COL23A1: variants seen among roughly 807,000 people sequenced by gnomAD.
COL23A1 encodes the protein collagen type XXIII alpha 1 chain.
In COL23A1, 97 loss-of-function variants were observed where a neutral mutation model predicts 99.3. That is an observed-to-expected ratio of 0.98 (90% CI 0.83 to 1.16). The LOEUF is 1.16. Ranked by LOEUF, COL23A1 falls within the 50% of genes most tolerant of loss-of-function variation. COL23A1 has a pLI of 0.00. For missense variants in COL23A1, 762 were observed against 757.4 expected (o/e 1.01, Z -0.07); for synonymous variants, 320 against 308.2 (o/e 1.04, Z -0.40).
At chr5:178,240,370 G>A (rs1764327544) in intron 27 of COL23A1, among the ~76,000 whole-genome samples, 1 of 152,198 alleles carries the variant, frequency 6.6e-6, no homozygotes, top group Non-Finnish European at 1.5e-5. Context: ...AAGCAGAAGC[G>A]AGGAAGGCCG....
chr5:178,355,689 A>C (rs1270156777), intron 2 of COL23A1, among the ~76,000 whole-genome samples: 1 of 152,112 alleles, frequency 6.6e-6, no homozygotes, highest in Non-Finnish European at 1.5e-5. Flanking sequence ...CACGCCGCCA[A>C]GGATGTTAGC....
intron 12 of COL23A1, among the ~76,000 whole-genome samples, chr5:178,259,074 G>A (rs1442738995): frequency 2.0e-5 from 3 of 151,918 alleles, no homozygotes; most frequent in Non-Finnish European, 4.4e-5. Context: ...CTGTGACCAC[G>A]CCTGGCTAAT....
chr5:178,252,573 G>T lies in COL23A1; in HGVS notation c.985C>A (p.Pro329Thr). Residue 329 changes from proline to threonine, a missense_variant, in exon 17 of 29, where the codon CCA (proline) becomes ACA (threonine). Transcript: ENST00000390654. ...GCTCCAGGGATCCCTGGTGGCCCTGGGGGCCCCTGTGGTCCGGGAGGCCCC... is the reference window on the plus strand; with the variant it reads ...GCTCCAGGGATCCCTGGTGGCCCTGTGGGCCCCTGTGGTCCGGGAGGCCCC... ...LKGPPGPQGP[P>T]GPPGIPGAKG... is the part of the protein sequence containing the mutation. 1 of 1,611,764 alleles carries T rather than the reference G, an allele frequency of 6.2e-7. No homozygotes were observed.
chr5:178,416,189 T>C (rs542265846), intron 2 of COL23A1, among the ~76,000 whole-genome samples: 67 of 152,336 alleles, frequency 4.4e-4, no homozygotes, highest in Non-Finnish European at 8.7e-4. Flanking sequence ...TCCAGGTTGT[T>C]GTACATCTGG....
At chr5:178,402,885 G>A (rs745531522) in intron 2 of COL23A1, among the ~76,000 whole-genome samples, 3 of 151,376 alleles carry the variant, frequency 2.0e-5, no homozygotes, top group Non-Finnish European at 4.4e-5. Context: ...TCCAAAAAAG[G>A]AGAAATGTTC....
intron 3 of COL23A1, among the ~76,000 whole-genome samples, chr5:178,293,225 G>C (rs1476035899): frequency 1.3e-5 from 2 of 152,034 alleles, no homozygotes; most frequent in African/African-American, 4.8e-5. Flanking sequence ...CAGAGAGAGA[G>C]GATTCGGTGT....
intron 2 of COL23A1, among the ~76,000 whole-genome samples, chr5:178,355,571 T>C (rs2973800): frequency 0.64 from 97,738 of 152,080 alleles, 33,008 homozygotes; most frequent in Non-Finnish European, 0.76. Flanking sequence ...CTTGCTCTGT[T>C]GCCCAGGCTG....
intron 2 of COL23A1, among the ~76,000 whole-genome samples, chr5:178,350,418 A>G: frequency 6.6e-6 from 1 of 151,996 alleles, no homozygotes; most frequent in Non-Finnish European, 1.5e-5. Context: ...CCGGCATGGC[A>G]CTCCAGCACC....
At chr5:178,246,176 G>T in intron 24 of COL23A1, 78 bp downstream of exon 24, 1 of 1,464,922 alleles carries the variant, frequency 6.8e-7, no homozygotes, top group Non-Finnish European at 9.4e-7. Context: ...GTGAGGTACA[G>T]GGTTGGGGTC....
intron 2 of COL23A1, among the ~76,000 whole-genome samples, chr5:178,516,459 G>A (rs1292070667): frequency 1.3e-5 from 2 of 152,232 alleles, no homozygotes. Context: ...TGAAAGGACA[G>A]AGGCTCTGAG....
chr5:178,332,138 T>C (rs955146199), intron 2 of COL23A1, among the ~76,000 whole-genome samples: 2 of 152,228 alleles, frequency 1.3e-5, no homozygotes, highest in Non-Finnish European at 2.9e-5. Context: ...TCCCTGCTGG[T>C]GACACCCCCA....
intron 2 of COL23A1, among the ~76,000 whole-genome samples, chr5:178,408,807 T>C (rs527806162): frequency 6.6e-6 from 1 of 151,578 alleles, no homozygotes; most frequent in South Asian, 2.1e-4. Context: ...ATACAAAAAT[T>C]AGCTGGGTGT....
At chr5:178,369,543 G>A (rs1313290947) in intron 2 of COL23A1, among the ~76,000 whole-genome samples, 8 of 152,216 alleles carry the variant, frequency 5.3e-5, no homozygotes, top group African/African-American at 7.2e-5. Context: ...TGAATTGAAC[G>A]TGTTGTGGAA....
intron 2 of COL23A1, among the ~76,000 whole-genome samples, chr5:178,513,899 G>C (rs533051876): frequency 6.6e-6 from 1 of 151,904 alleles, no homozygotes; most frequent in Non-Finnish European, 1.5e-5. Flanking sequence ...TAACATATAT[G>C]TAAGATTAAA....
intron 2 of COL23A1, among the ~76,000 whole-genome samples, chr5:178,447,092 A>T (rs572122794): frequency 2.1e-5 from 3 of 142,358 alleles, no homozygotes; most frequent in South Asian, 4.3e-4. Context: ...TTCTTTTTTT[A>T]TTATTATTTT....
intron 2 of COL23A1, among the ~76,000 whole-genome samples, chr5:178,356,618 A>G (rs1761667713): frequency 7.0e-6 from 1 of 142,056 alleles, no homozygotes; most frequent in African/African-American, 2.5e-5. Context: ...GGCGAGACAC[A>G]GGAAAAAAAA....
At chr5:178,419,173 G>T (rs1474119896) in intron 2 of COL23A1, among the ~76,000 whole-genome samples, 1 of 152,228 alleles carries the variant, frequency 6.6e-6, no homozygotes, top group Non-Finnish European at 1.5e-5. Flanking sequence ...AAAGTTCAGT[G>T]GCTGCTACCT....
chr5:178,354,917 G>A (rs752136664), intron 2 of COL23A1, among the ~76,000 whole-genome samples: 1 of 152,022 alleles, frequency 6.6e-6, no homozygotes. Flanking sequence ...AATTAGTTGG[G>A]CATGGTGGTG....
chr5:178,269,835 C>T (rs1039568381), intron 6 of COL23A1, among the ~76,000 whole-genome samples: 1 of 148,136 alleles, frequency 6.8e-6, no homozygotes, highest in African/African-American at 2.5e-5. Flanking sequence ...ATATATCTAC[C>T]GACTCACCCA....
Sources: allele counts gnomAD v4.1 joint callset (sites outside exome capture counted in the v4.1 genomes callset), GRCh38; gene constraint gnomAD v4.1.1; transcripts MANE v1.5; gene names NCBI Gene and HGNC (gene_info 2026-07-23, HGNC 2026-07-21).